The following RGS12 variants were observed in gnomAD, a reference collection of about 807,000 sequenced individuals.
RGS12 encodes regulator of G-protein signaling 12.
A neutral mutation model predicts 120.1 loss-of-function variants in RGS12; 66 were observed. The observed-to-expected ratio is 0.55, with a 90% CI of 0.45 to 0.67. The LOEUF (loss-of-function observed/expected upper bound fraction) is 0.67, where lower values mean the gene tolerates loss of function less well. RGS12 is among the 30% of genes least tolerant of loss of function. The pLI, the probability that RGS12 is intolerant of heterozygous loss-of-function variation, is 0.00. For missense variants in RGS12, 1,859 were observed against 1,957.7 expected (o/e 0.95, Z 0.95); for synonymous variants, 827 against 804.7 (o/e 1.03, Z -0.47).
chr4:3,384,704 A>G (rs964539048), intron 3 of RGS12, among the ~76,000 whole-genome samples: 3 of 152,152 alleles, frequency 2.0e-5, no homozygotes, highest in African/African-American at 7.2e-5. Flanking sequence ...TGTTTTCACT[A>G]CTGGGAAGTG....
At chr4:3,410,301 A>G (rs1003112183) in intron 4 of RGS12, among the ~76,000 whole-genome samples, 6 of 152,244 alleles carry the variant, frequency 3.9e-5, no homozygotes, top group Non-Finnish European at 8.8e-5. Flanking sequence ...CTGTAGAGAT[A>G]GGGTCTCACT....
chr4:3,349,093 C>T (rs1316859818), intron 3 of RGS12, among the ~76,000 whole-genome samples: 1 of 152,154 alleles, frequency 6.6e-6, no homozygotes, highest in African/African-American at 2.4e-5. Flanking sequence ...TTCAGGAAAA[C>T]CCTGTTGTTC....
chr4:3,319,496 A>G (rs1046491576), intron 2 of RGS12, among the ~76,000 whole-genome samples: 2 of 152,098 alleles, frequency 1.3e-5, no homozygotes, highest in African/African-American at 4.8e-5. Context: ...TGGCTCTATC[A>G]TAGCTCACTG....
intron 4 of RGS12, among the ~76,000 whole-genome samples, chr4:3,402,863 A>G (rs1041763166): frequency 6.6e-6 from 1 of 152,252 alleles, no homozygotes; most frequent in East Asian, 1.9e-4. Context: ...AGTAAGCATA[A>G]TAAATGAAGT....
chr4:3,384,477 C>T (rs920483306), intron 3 of RGS12, among the ~76,000 whole-genome samples: 9 of 152,286 alleles, frequency 5.9e-5, no homozygotes, highest in Middle Eastern at 3.4e-3. Context: ...ATTTAGATTG[C>T]GACATGATTG....
intron 17 of RGS12, among the ~76,000 whole-genome samples, chr4:3,436,967 T>A (rs1258181324): frequency 6.6e-6 from 1 of 152,112 alleles, no homozygotes; most frequent in Non-Finnish European, 1.5e-5. Context: ...GGTCTGGATG[T>A]TTGGAGATGT....
At chr4:3,435,212 G>A (rs1414975669) in intron 17 of RGS12, among the ~76,000 whole-genome samples, 4 of 152,112 alleles carry the variant, frequency 2.6e-5, no homozygotes, top group African/African-American at 4.8e-5. Flanking sequence ...TTTGCCTGCC[G>A]GGGCTTCTGC....
intron 2 of RGS12, among the ~76,000 whole-genome samples, chr4:3,334,844 C>T (rs926105048): frequency 4.6e-5 from 7 of 152,056 alleles, no homozygotes; most frequent in Admixed American, 6.6e-5. Context: ...CAGGCAGATG[C>T]GGGTCACTGA....
At chr4:3,355,907 A>C (rs1182358625) in intron 3 of RGS12, among the ~76,000 whole-genome samples, 2 of 151,978 alleles carry the variant, frequency 1.3e-5, no homozygotes, top group Non-Finnish European at 2.9e-5. Flanking sequence ...TATGGTTAAT[A>C]TACAAAAATC....
At chr4:3,288,317 C>G (rs775475846), upstream of RGS12, among the ~76,000 whole-genome samples, 3 of 152,052 alleles carry the variant, frequency 2.0e-5, no homozygotes, top group African/African-American at 7.2e-5. This position sits in a 1 kb window ranked among gnomAD's most constrained non-coding sequence, Gnocchi z 5.2. Context: ...AAGGGGGCCC[C>G]GTGGGTGTGG....
At position 3,430,138 on chromosome 4, in the gene RGS12, G is replaced by A. The variant is rs145609370; in HGVS notation, c.3566-269G>A. On this transcript the variant is annotated intron_variant, in intron 16 of 17. Coordinates refer to ENST00000336727, the MANE Select transcript of RGS12 (RefSeq NM_001394154.1). ...GTAACCGTGTTGAGTCAAGCGTCTC[G>A]TTTGTTCAAGTCTGGACCTCACACA... Among the ~76,000 whole-genome samples, 368 of 152,342 alleles carry A rather than the reference G, an allele frequency of 2.4e-3. 1 individual carries two copies. Among genetic ancestry groups the A allele is most frequent in the East Asian group, 7.9e-3 (41 of 5,176 alleles).
intron 3 of RGS12, among the ~76,000 whole-genome samples, chr4:3,343,421 T>A (rs1468987695): frequency 6.6e-6 from 1 of 152,246 alleles, no homozygotes; most frequent in Non-Finnish European, 1.5e-5. Flanking sequence ...GTGGCTCGTC[T>A]ATCTGTGTTT....
At chr4:3,382,507 C>T (rs946693917) in intron 3 of RGS12, among the ~76,000 whole-genome samples, 1 of 152,232 alleles carries the variant, frequency 6.6e-6, no homozygotes, top group Non-Finnish European at 1.5e-5. Context: ...AGATCAACAT[C>T]ATGGGATCCA....
rs985980687 is a variant in RGS12, at chr4:3,372,575, C to T, written c.1999-13841C>T. Among the ~76,000 whole-genome samples, 2 of 152,250 alleles carry T rather than the reference C, an allele frequency of 1.3e-5. No homozygotes were observed. Among genetic ancestry groups the T allele is most frequent in the Non-Finnish European group, 2.9e-5 (2 of 68,050 alleles). On this transcript the variant is annotated intron_variant, in intron 3 of 17. Coordinates refer to ENST00000336727, the MANE Select transcript of RGS12 (RefSeq NM_001394154.1). This position sits in a 1 kb window ranked among gnomAD's most constrained non-coding sequence, Gnocchi z 4.3. ...CGCCTCGGGTGCATCCACGCTGGCC[C>T]CCCCAGGTGTGCCCTGTGTGGCCGG... is the stretch of plus-strand genomic sequence containing the variant.
Position 3,390,291 on chromosome 4 carries a change from T to C in RGS12, c.2020+3854T>C, listed in dbSNP as rs1315078117. ...GCTTCCATCATTTTAATTATTCATCTGTGTTGGTGCTTTTGTCCCCCCAGC... is the reference window on the plus strand; with the variant it reads ...GCTTCCATCATTTTAATTATTCATCCGTGTTGGTGCTTTTGTCCCCCCAGC... On this transcript the variant is annotated intron_variant, in intron 4 of 17. Coordinates refer to ENST00000336727, the MANE Select transcript of RGS12 (RefSeq NM_001394154.1). The surrounding 1 kb of genome is among the most constrained non-coding windows in gnomAD (Gnocchi z 4.6). Among the ~76,000 whole-genome samples, 3 of 152,320 alleles carry C rather than the reference T, an allele frequency of 2.0e-5. No homozygotes were observed. The highest frequency in any genetic ancestry group is 3.9e-4 in the East Asian group (2 of 5,182).
chr4:3,375,328 TCATCTC>T (rs1246541308), intron 3 of RGS12, among the ~76,000 whole-genome samples: 11 of 81,260 alleles, frequency 1.4e-4, no homozygotes, highest in African/African-American at 3.4e-4. Flanking sequence ...ATCTCCAGCC[TCATCTC>T]CAGCCCTCAT....
Position 3,316,423 on chromosome 4 carries a change from G to GT in RGS12, c.253_254insT (p.Gly85ValfsTer13). 1 of 1,614,152 alleles carries GT rather than the reference G, an allele frequency of 6.2e-7. No homozygotes were observed. Among genetic ancestry groups the GT allele is most frequent in the Non-Finnish European group, 8.5e-7 (1 of 1,180,046 alleles). On this transcript the variant is annotated frameshift_variant, in exon 2 of 18. Coordinates refer to ENST00000336727, the MANE Select transcript of RGS12 (RefSeq NM_001394154.1). LOFTEE classifies it high-confidence loss of function. Reference sequence around the variant, plus strand: ...TCATGAAGATGTAGTGAAATTAATTGGGAAGTGCTCTGGTGTCCTTCACAT... The same window carrying GT: ...TCATGAAGATGTAGTGAAATTAATTGTGGAAGTGCTCTGGTGTCCTTCACAT...
chr4:3,424,294 A>G (rs1455573687), intron 13 of RGS12, among the ~76,000 whole-genome samples: 1 of 152,258 alleles, frequency 6.6e-6, no homozygotes, highest in Non-Finnish European at 1.5e-5. Context: ...AATGATTTCA[A>G]GTATTTTCAG....
intron 2 of RGS12, among the ~76,000 whole-genome samples, chr4:3,328,124 G>T (rs548116627): frequency 2.0e-5 from 3 of 152,162 alleles, no homozygotes; most frequent in Non-Finnish European, 4.4e-5. Context: ...TGTCCTAAGT[G>T]AAACAAGTCA....
Sources: allele counts gnomAD v4.1 joint callset (sites outside exome capture counted in the v4.1 genomes callset), GRCh38; gene constraint gnomAD v4.1.1; non-coding constraint Gnocchi (gnomAD v3.1); transcripts MANE v1.5; gene names NCBI Gene and HGNC (gene_info 2026-07-23, HGNC 2026-07-21).